Variants in ROBO1 observed in about 807,000 individuals in gnomAD.
The protein encoded by ROBO1 is roundabout guidance receptor 1.
ROBO1 carries 149 observed loss-of-function variants against 195.9 expected under a neutral mutation model. The ratio of observed to expected loss-of-function variants is 0.76; its 90% CI spans 0.67 to 0.87. The LOEUF is 0.87. Ranked by LOEUF, ROBO1 falls within the 40% of genes least tolerant of loss-of-function variation. The pLI, the probability that ROBO1 is intolerant of heterozygous loss-of-function variation, is 0.00. For synonymous variants in ROBO1, 816 were observed against 733.2 expected, an observed-to-expected ratio of 1.11 and a Z score of -1.82; for missense variants, 1,933 against 2,068.3, an observed-to-expected ratio of 0.93 and a Z score of 1.27.
intron 2 of ROBO1, among the ~76,000 whole-genome samples, chr3:79,152,184 T>C (rs548642031): frequency 1.3e-5 from 2 of 152,000 alleles, no homozygotes; most frequent in African/African-American, 4.8e-5. Context: ...ATATGTTACA[T>C]GTGCAACAAA....
intron 2 of ROBO1, among the ~76,000 whole-genome samples, chr3:79,463,746 T>C (rs11916189): frequency 0.034 from 5,235 of 152,320 alleles, 207 homozygotes; most frequent in African/African-American, 0.098. Flanking sequence ...TTCAAATGTA[T>C]GATATAACAT....
At chr3:78,739,393 C>A (rs2082469685) in intron 5 of ROBO1, among the ~76,000 whole-genome samples, 2 of 152,028 alleles carry the variant, frequency 1.3e-5, no homozygotes, top group African/African-American at 4.8e-5. Flanking sequence ...CTTTTTTCAA[C>A]AATAACTTTT....
At chr3:78,693,474 G>C in intron 8 of ROBO1, 2 of 737,270 alleles carry the variant, frequency 2.7e-6, no homozygotes, top group Non-Finnish European at 4.6e-6. Flanking sequence ...TAAAGAACAT[G>C]TTAATACTTG....
At chr3:78,674,526 T>G (rs919392603) in intron 10 of ROBO1, among the ~76,000 whole-genome samples, 5 of 152,164 alleles carry the variant, frequency 3.3e-5, no homozygotes, top group Non-Finnish European at 7.4e-5. Flanking sequence ...AAACAAAACT[T>G]AAAAAACAGT....
chr3:79,135,715 G>A (rs373234552), intron 2 of ROBO1, among the ~76,000 whole-genome samples: 16 of 151,274 alleles, frequency 1.1e-4, no homozygotes, highest in African/African-American at 2.7e-4. Context: ...TCAGCTCACC[G>A]CAACTTTCGC....
chr3:78,646,760 T>G (rs973791484), intron 20 of ROBO1, among the ~76,000 whole-genome samples: 6 of 151,970 alleles, frequency 3.9e-5, no homozygotes, highest in African/African-American at 1.4e-4. Context: ...CTTCTGCAAA[T>G]TATTTCTCAT....
intron 2 of ROBO1, among the ~76,000 whole-genome samples, chr3:79,310,784 T>A (rs781158759): frequency 4.6e-5 from 7 of 151,490 alleles, no homozygotes; most frequent in Admixed American, 6.6e-5. Context: ...AATAAAAAAA[T>A]TAAAGTAAGT....
intron 2 of ROBO1, among the ~76,000 whole-genome samples, chr3:79,275,599 T>C (rs1165957706): frequency 2.0e-5 from 3 of 151,850 alleles, no homozygotes; most frequent in African/African-American, 7.2e-5. Context: ...TTCACCACTT[T>C]TACTCAGCAT....
chr3:79,337,417 T>C (rs531988664), intron 2 of ROBO1, among the ~76,000 whole-genome samples: 195 of 152,284 alleles, frequency 1.3e-3, no homozygotes, highest in Non-Finnish European at 2.4e-3. Context: ...TCACAAGATC[T>C]GATAGTTTTA....
intron 4 of ROBO1, among the ~76,000 whole-genome samples, chr3:78,761,372 T>TA (rs911565313): frequency 4.6e-5 from 7 of 151,782 alleles, no homozygotes; most frequent in South Asian, 4.1e-4. Flanking sequence ...TTATAAACAT[T>TA]AAAAAAAATA....
intron 2 of ROBO1, among the ~76,000 whole-genome samples, chr3:79,427,296 T>C (rs979584201): frequency 1.6e-4 from 24 of 152,290 alleles, no homozygotes; most frequent in Non-Finnish European, 2.8e-4. Context: ...ATTTTCAGTT[T>C]ATGTTCTGCT....
chr3:79,713,907 T>C (rs1421903235), intron 1 of ROBO1, among the ~76,000 whole-genome samples: 3 of 152,168 alleles, frequency 2.0e-5, no homozygotes, highest in Admixed American at 1.3e-4. Context: ...TAGTTGTAGA[T>C]ATGTGGCATT....
At chr3:78,835,069 G>A (rs2032587635) in intron 4 of ROBO1, among the ~76,000 whole-genome samples, 1 of 152,130 alleles carries the variant, frequency 6.6e-6, no homozygotes, top group South Asian at 2.1e-4. Flanking sequence ...GGGAAGCCAA[G>A]AGATGAATCA....
chr3:79,229,630 T>C (rs1194592714), intron 2 of ROBO1, among the ~76,000 whole-genome samples: 1 of 152,050 alleles, frequency 6.6e-6, no homozygotes, highest in East Asian at 1.9e-4. Flanking sequence ...TTTCTTTTTG[T>C]AGAGGTGAGG....
intron 1 of ROBO1, among the ~76,000 whole-genome samples, chr3:79,655,911 T>G (rs1365500779): frequency 6.6e-6 from 1 of 152,046 alleles, no homozygotes; most frequent in East Asian, 1.9e-4. Flanking sequence ...AGATGTGAAT[T>G]AGAGTTTTTT....
intron 9 of ROBO1, among the ~76,000 whole-genome samples, chr3:78,688,388 T>C (rs1298729311): frequency 6.6e-6 from 1 of 152,220 alleles, no homozygotes; most frequent in Non-Finnish European, 1.5e-5. Flanking sequence ...CTTTTTAATG[T>C]GGCTGAGCTA....
Position 79,038,180 on chromosome 3 carries a change from T to G in ROBO1, c.172+87276A>C, listed in dbSNP as rs148751344. Among the ~76,000 whole-genome samples the G allele has an allele frequency of 3.0e-3, 449 of 152,102 alleles. 2 individuals carry two copies. The highest frequency in any genetic ancestry group is 5.5e-3 in the Non-Finnish European group (372 of 67,982). On this transcript the variant is annotated intron_variant, in intron 3 of 30. Transcript: ENST00000464233. ...ACATGTAAAACCAAGTTTAGTAGAG[T>G]CTCATCTCTGTTATAGTGATTTGTG...
chr3:79,178,610 C>T (rs2081293157), intron 2 of ROBO1, among the ~76,000 whole-genome samples: 1 of 152,092 alleles, frequency 6.6e-6, no homozygotes, highest in South Asian at 2.1e-4. Context: ...GAAATCCGAA[C>T]AGAAAGGCAC....
At chr3:79,482,686 T>C (rs182952130) in intron 2 of ROBO1, among the ~76,000 whole-genome samples, 1 of 152,298 alleles carries the variant, frequency 6.6e-6, no homozygotes, top group East Asian at 1.9e-4. Flanking sequence ...TCACAGCTGC[T>C]AAGTAAGACA....
Sources: allele counts gnomAD v4.1 joint callset (sites outside exome capture counted in the v4.1 genomes callset), GRCh38; gene constraint gnomAD v4.1.1; transcripts MANE v1.5; gene names NCBI Gene and HGNC (gene_info 2026-07-23, HGNC 2026-07-21).